Variants in CADM2 observed in about 807,000 individuals in gnomAD.
CADM2 encodes the protein immunoglobulin superfamily member 4D.
A neutral mutation model predicts 49.8 loss-of-function variants in CADM2; 12 were observed. The ratio of observed to expected loss-of-function variants is 0.24; its 90% CI spans 0.15 to 0.39. The LOEUF is 0.39. CADM2 is among the 10% of genes least tolerant of loss of function. The pLI is 1.00. For missense variants in CADM2, 378 were observed against 492.3 expected (o/e 0.77, Z 2.20); for synonymous variants, 214 against 175.4 (o/e 1.22, Z -1.74).
intron 1 of CADM2, among the ~76,000 whole-genome samples, chr3:85,016,688 G>C (rs1051805257): frequency 3.9e-5 from 6 of 152,072 alleles, no homozygotes; most frequent in African/African-American, 1.4e-4. Context: ...AGCTACTTGG[G>C]ACGCTGAGGC....
At chr3:85,843,462 A>C (rs964553416) in intron 3 of CADM2, among the ~76,000 whole-genome samples, 1 of 151,546 alleles carries the variant, frequency 6.6e-6, no homozygotes, top group African/African-American at 2.4e-5. Flanking sequence ...AACTTTTATC[A>C]TTAAGCAAGA....
chr3:85,719,852 AC>A, intron 1 of CADM2, among the ~76,000 whole-genome samples: 1 of 152,278 alleles, frequency 6.6e-6, no homozygotes, highest in African/African-American at 2.4e-5. Flanking sequence ...TCAAACACAT[AC>A]AAAAACAGGA....
chr3:85,149,812 A>T (rs534288206), intron 1 of CADM2, among the ~76,000 whole-genome samples: 1 of 152,364 alleles, frequency 6.6e-6, no homozygotes, highest in South Asian at 2.1e-4. Flanking sequence ...ACTAGTTCAA[A>T]TCGTCTGCAT....
At chr3:85,002,929 GC>G (rs773070744) in intron 1 of CADM2, among the ~76,000 whole-genome samples, 56 of 152,134 alleles carry the variant, frequency 3.7e-4, no homozygotes, top group Non-Finnish European at 6.0e-4. Flanking sequence ...AAGACTGCAG[GC>G]AAGTGCCACC....
intron 7 of CADM2, among the ~76,000 whole-genome samples, chr3:85,941,252 T>C (rs1721858241): frequency 6.6e-6 from 1 of 152,036 alleles, no homozygotes; most frequent in South Asian, 2.1e-4. Context: ...AACTCAGAAG[T>C]CTTACTTATA....
In CADM2 at chr3:85,398,664, C is replaced by T. The variant is rs1353921496; in HGVS notation, c.62-327858C>T. Among the ~76,000 whole-genome samples the T allele has an allele frequency of 2.0e-5, 3 of 152,088 alleles. 1 individual carries two copies. In the East Asian group the frequency reaches 5.8e-4, roughly 29 times the overall value. On this transcript the variant is annotated intron_variant, in intron 1 of 9. Transcript: ENST00000383699. ...CTATTTCTCCACATCCTCTCCAGCA[C>T]CTGTTGTTTCCTGACATTTTAATGA...
intron 1 of CADM2, among the ~76,000 whole-genome samples, chr3:85,445,014 T>C (rs929829857): frequency 1.3e-5 from 2 of 152,102 alleles, no homozygotes; most frequent in East Asian, 1.9e-4. Flanking sequence ...CCTCAAACTA[T>C]CAACAATGTC....
intron 1 of CADM2, among the ~76,000 whole-genome samples, chr3:85,308,265 G>GTT (rs771753847): frequency 6.8e-6 from 1 of 147,666 alleles, no homozygotes; most frequent in South Asian, 2.1e-4. Context: ...TAAGATTCAA[G>GTT]TTTTTTTTTA....
chr3:85,017,027 T>A (rs2034280143), intron 1 of CADM2, among the ~76,000 whole-genome samples: 1 of 152,116 alleles, frequency 6.6e-6, no homozygotes, highest in African/African-American at 2.4e-5. Flanking sequence ...TTCACAGAAA[T>A]AGGTTCTTTG....
intron 8 of CADM2, among the ~76,000 whole-genome samples, chr3:85,985,979 A>G (rs1728059908): frequency 6.6e-6 from 1 of 152,040 alleles, no homozygotes; most frequent in African/African-American, 2.4e-5. Flanking sequence ...TCTTACCTCA[A>G]TTGTTTCATT....
chr3:85,685,876 G>A (rs2066197108), intron 1 of CADM2, among the ~76,000 whole-genome samples: 1 of 151,838 alleles, frequency 6.6e-6, no homozygotes, highest in Admixed American at 6.6e-5. Flanking sequence ...CGCCCACCTC[G>A]GCTTCCCAAA....
intron 2 of CADM2, among the ~76,000 whole-genome samples, chr3:85,740,143 T>C (rs2068320782): frequency 6.6e-6 from 1 of 152,206 alleles, no homozygotes; most frequent in Non-Finnish European, 1.5e-5. Context: ...CCAGTTGGCA[T>C]GCATGATCAA....
At chr3:85,851,390 C>A (rs1017966158) in intron 3 of CADM2, among the ~76,000 whole-genome samples, 2 of 151,868 alleles carry the variant, frequency 1.3e-5, no homozygotes, top group African/African-American at 2.4e-5. Flanking sequence ...AATCACTTTA[C>A]AAACAAGGGT....
At chr3:85,381,603 T>TGC (rs1559810941) in intron 1 of CADM2, among the ~76,000 whole-genome samples, 1 of 149,532 alleles carries the variant, frequency 6.7e-6, no homozygotes, top group Non-Finnish European at 1.5e-5. Flanking sequence ...TTTTTTTTTA[T>TGC]TAAAAGCCAC....
intron 8 of CADM2, among the ~76,000 whole-genome samples, chr3:86,003,266 T>A (rs2106832459): frequency 6.6e-6 from 1 of 152,314 alleles, no homozygotes; most frequent in East Asian, 1.9e-4. Flanking sequence ...TGCAACCACC[T>A]GGCCCATTCC....
intron 1 of CADM2, among the ~76,000 whole-genome samples, chr3:85,191,344 CAT>C (rs2041202141): frequency 1.3e-5 from 2 of 151,966 alleles, no homozygotes; most frequent in South Asian, 4.1e-4. Context: ...TTATAATAAT[CAT>C]ATGATATAGT....
intron 1 of CADM2, among the ~76,000 whole-genome samples, chr3:85,498,885 C>T (rs1314953503): frequency 6.6e-6 from 1 of 152,016 alleles, no homozygotes; most frequent in East Asian, 1.9e-4. Flanking sequence ...AATACATATA[C>T]TCAGAAGGTC....
At chr3:85,213,834 T>G (rs2041861153) in intron 1 of CADM2, among the ~76,000 whole-genome samples, 5 of 152,096 alleles carry the variant, frequency 3.3e-5, no homozygotes, top group Admixed American at 3.3e-4. Context: ...TTTCTTCTGC[T>G]TGATCATCTG....
chr3:86,020,352 A>G (rs1216489255), intron 8 of CADM2, among the ~76,000 whole-genome samples: 6 of 151,970 alleles, frequency 3.9e-5, no homozygotes, highest in African/African-American at 1.5e-4. Flanking sequence ...TCAATAGCTT[A>G]CCAACCAAAA....
Sources: gnomAD v4.1 joint callset for allele counts (sites outside exome capture counted in the v4.1 genomes callset) on GRCh38, gnomAD v4.1.1 for gene constraint, MANE v1.5 for transcripts, NCBI Gene and HGNC (gene_info 2026-07-23, HGNC 2026-07-21) for gene names.